Variants in PASK observed in about 807,000 individuals in gnomAD.
PASK encodes the protein PAS domain-containing serine/threonine-protein kinase.
A neutral mutation model predicts 121.0 loss-of-function variants in PASK; 110 were observed. The observed-to-expected ratio is 0.91, with a 90% CI of 0.78 to 1.06. The LOEUF (loss-of-function observed/expected upper bound fraction) is 1.06. PASK is among the 50% of genes least tolerant of loss of function. The probability of loss-of-function intolerance (pLI) is 0.00; values close to 1 mark genes in which losing one functional copy is unlikely to be tolerated. For synonymous variants in PASK, 686 were observed against 717.8 expected (o/e 0.96, Z 0.71); for missense variants, 1,643 against 1,702.3 (o/e 0.97, Z 0.61).
At chr2:241,127,735 A>C in intron 9 of PASK, 2 of 427,660 alleles carry the variant, frequency 4.7e-6, no homozygotes, top group Non-Finnish European at 8.7e-6. Context: ...CTCTCGCTTC[A>C]TCTCAGGGCC....
intron 12 of PASK, among the ~76,000 whole-genome samples, chr2:241,120,120 A>G (rs1450961908): frequency 6.6e-6 from 1 of 152,236 alleles, no homozygotes; most frequent in Non-Finnish European, 1.5e-5. Flanking sequence ...TGCAAATCAT[A>G]TATCTGATCA....
In PASK at chr2:241,127,074, C is replaced by T. The variant is rs201644179; in HGVS notation, c.1841G>A (p.Gly614Glu). 31 of 1,614,138 alleles carry T rather than the reference C, an allele frequency of 1.9e-5. No homozygotes were observed. In the Admixed American group the frequency reaches 3.8e-4, roughly 20 times the overall value. Residue 614 changes from glycine (G) to glutamate (E), a missense_variant, in exon 10 of 18, where the codon GGG (glycine) becomes GAG (glutamate). Coordinates refer to ENST00000234040, the MANE Select transcript of PASK (RefSeq NM_015148.4). ...GSLLMHCPCY[G>E]SEWGLWWRSQ... ...TCGCCACCACAAGCCCCATTCACTCCCATAGCAAGGGCAGTGCATCAGGAG... is the reference window on the plus strand; with the variant it reads ...TCGCCACCACAAGCCCCATTCACTCTCATAGCAAGGGCAGTGCATCAGGAG...
At chr2:241,150,317 C>T (rs532796794), upstream of PASK, 6 of 1,331,156 alleles carry the variant, frequency 4.5e-6, no homozygotes, top group East Asian at 1.2e-4. Context: ...CTGGGGGAGG[C>T]GCGGCGCGCG....
rs1559387142 is a variant in PASK, at chr2:241,133,057, T to C, written c.1307-27A>G. 3 of 1,611,874 alleles carry C rather than the reference T, an allele frequency of 1.9e-6. No homozygotes were observed. In the African/African-American group the frequency reaches 4.0e-5, roughly 22 times the overall value. ...TGGCAGCAACACCAAAAAAGAGCGT[T>C]TGCTCTTCACAGGCACTCCCTAAAA... On this transcript the variant is annotated intron_variant, in intron 8 of 17. Coordinates refer to ENST00000234040, the MANE Select transcript of PASK (RefSeq NM_015148.4).
At chr2:241,120,825 A>T (rs1431912861) in intron 12 of PASK, among the ~76,000 whole-genome samples, 2 of 152,236 alleles carry the variant, frequency 1.3e-5, no homozygotes, top group African/African-American at 4.8e-5. Context: ...ACTACTAGGT[A>T]TATGCCTAGA....
chr2:241,121,467 A>G (rs12622520), intron 12 of PASK, among the ~76,000 whole-genome samples: 44,655 of 152,106 alleles, frequency 0.29, 9,159 homozygotes, highest in East Asian at 0.56. Context: ...AACAAAGCAC[A>G]GAAATATCCA....
At chr2:241,137,905 G>C in intron 6 of PASK, 48 bp downstream of exon 6, 1 of 1,606,218 alleles carries the variant, frequency 6.2e-7, no homozygotes, top group Non-Finnish European at 8.5e-7. Context: ...TGGATTCAGA[G>C]CTAAGAACTC....
chr2:241,140,908 G>A, intron 2 of PASK, 155 bp from the exon 3 acceptor site: 2 of 676,206 alleles, frequency 3.0e-6, no homozygotes, highest in African/African-American at 1.8e-5. Context: ...CTCACTGCGT[G>A]TCTGAACATG....
At chr2:241,135,833 C>G (rs1481074792) in intron 8 of PASK, 38 bp downstream of exon 8, 1 of 1,593,772 alleles carries the variant, frequency 6.3e-7, no homozygotes, top group Admixed American at 1.7e-5. Flanking sequence ...TGGGGCTCAG[C>G]AGCTACAGGC....
At chr2:241,146,050 C>T (rs958088218) in intron 1 of PASK, among the ~76,000 whole-genome samples, 12 of 151,976 alleles carry the variant, frequency 7.9e-5, no homozygotes, top group Non-Finnish European at 7.4e-5. Flanking sequence ...ACATAACCAA[C>T]AGAAAATTAA....
Position 241,115,326 on chromosome 2 carries a change from C to T in PASK, c.3160G>A (p.Ala1054Thr), listed in dbSNP as rs764045481. The T allele has an allele frequency of 1.2e-6, 2 of 1,613,872 alleles. No individual in the cohort carries two copies. Among genetic ancestry groups the T allele is most frequent in the Admixed American group, 1.7e-5 (1 of 60,014 alleles). ...GCGTGCTCCACCCTGGATAGAATTG[C>T]GATCTCTAAAGTAACTTTCCCAAGT... The part of the protein sequence containing the change: ...PKLGKVTLEI[A>T]ILSRVEHANI... Residue 1054 changes from alanine to threonine, a missense_variant, in exon 13 of 18, where the codon GCA becomes ACA. Physicochemically the swap from Ala to Thr is moderately conservative, Grantham distance 58. Transcript: ENST00000234040.
chr2:241,144,901 G>A (rs192624817), intron 1 of PASK, among the ~76,000 whole-genome samples: 1 of 152,174 alleles, frequency 6.6e-6, no homozygotes, highest in African/African-American at 2.4e-5. Flanking sequence ...CCATCACAGA[G>A]CTTCTCCCTG....
intron 9 of PASK, 113 bp from the exon 10 acceptor site, chr2:241,127,564 A>G (rs979818758): frequency 6.5e-6 from 6 of 921,262 alleles, no homozygotes; most frequent in Non-Finnish European, 8.7e-6. Flanking sequence ...CCACCAATTT[A>G]TAACAAGAAA....
rs1190093527 is a variant in PASK, at chr2:241,112,206, A to T, written c.3533+34T>A. 1 of 1,544,052 alleles carries T rather than the reference A, an allele frequency of 6.5e-7. No individual in the cohort carries two copies. Among genetic ancestry groups the T allele is most frequent in the East Asian group, 2.2e-5 (1 of 44,528 alleles). On this transcript the variant is annotated intron_variant, in intron 15 of 17. Transcript: ENST00000234040. This position sits in a 1 kb window ranked among gnomAD's most constrained non-coding sequence, Gnocchi z 5.2. ...CACCCTCAGGGTCCTGACAGAGGAC[A>T]CGAGGACGGGCCGCACCGCAGCCGC...
At position 241,138,070 on chromosome 2, in the gene PASK, A is replaced by G. The variant is rs1442691190; in HGVS notation, c.759T>C (p.Cys253=). The G allele has an allele frequency of 6.2e-7, 1 of 1,614,100 alleles. No homozygotes were observed. ...CGTGAAGATGAGCAAAGAGACTGTC[A>G]CATGACGTGACGGTGCCCTGGAGGA... ...AFQSDGTVTS[C]DSLFAHLHGY... is the part of the protein sequence containing the mutation. Residue 253 remains cysteine (C), a synonymous_variant, in exon 6 of 18, where the codon TGT becomes TGC. Coordinates refer to ENST00000234040, the MANE Select transcript of PASK (RefSeq NM_015148.4).
In PASK at chr2:241,127,016, C is replaced by T; in HGVS notation, c.1899G>A (p.Met633Ile). 6.2e-7 allele frequency: 1 copy of T among 1,614,230 alleles called. No individual in the cohort carries two copies. ...SQDLAPSPSG[M>I]AGLSFGTPTL... Reference sequence around the variant, plus strand: ...TAGGTGTCCCAAACGAGAGGCCTGCCATCCCAGAGGGGCTGGGGGCCAAGT... The same window carrying T: ...TAGGTGTCCCAAACGAGAGGCCTGCTATCCCAGAGGGGCTGGGGGCCAAGT... Residue 633 changes from methionine (M) to isoleucine (I), a missense_variant, in exon 10 of 18, where the codon ATG (methionine) becomes ATA (isoleucine). Transcript: ENST00000234040.
chr2:241,111,946 A>C (rs1442885381), intron 15 of PASK, among the ~76,000 whole-genome samples: 1 of 152,224 alleles, frequency 6.6e-6, no homozygotes, highest in Non-Finnish European at 1.5e-5. Flanking sequence ...CACTTATTTG[A>C]AGAGTGCCAT....
rs2066517363 is a variant in PASK, at chr2:241,137,946, G to A, written c.876+7C>T. ...CATCACACAGTGCGGGAGGTCAGGA[G>A]CCCTACCTTTGGGATGTGCTGGCCA... On this transcript the variant is annotated splice_region_variant and intron_variant, in intron 6 of 17. Transcript: ENST00000234040. The A allele has an allele frequency of 3.1e-6, 5 of 1,613,944 alleles. No homozygotes were observed. The highest frequency in any genetic ancestry group is 3.4e-6 in the Non-Finnish European group (4 of 1,179,906).
Position 241,126,752 on chromosome 2 carries a change from G to A in PASK, c.2163C>T (p.Asp721=), listed in dbSNP as rs1356119938. The part of the protein sequence containing the change: ...SSSACYALAT[D]LPGGLEAVEA... ...CCACTGCTTCCAGGCCCCCAGGGAG[G>A]TCCGTGGCCAAGGCATAGCAGGCTG... The change falls in exon 10 of 18, where the codon GAC becomes GAT. Residue 721 remains aspartate, a synonymous_variant. Coordinates refer to ENST00000234040, the MANE Select transcript of PASK (RefSeq NM_015148.4). 2.5e-6 allele frequency: 4 copies of A among 1,614,134 alleles called. No homozygotes were observed. In the East Asian group the frequency reaches 8.9e-5, roughly 36 times the overall value.
Sources: allele counts gnomAD v4.1 joint callset (sites outside exome capture counted in the v4.1 genomes callset), GRCh38; gene constraint gnomAD v4.1.1; non-coding constraint Gnocchi (gnomAD v3.1); transcripts MANE v1.5; gene names NCBI Gene and HGNC (gene_info 2026-07-23, HGNC 2026-07-21).